SCN8A: variants seen among roughly 807,000 people sequenced by gnomAD.
SCN8A encodes sodium channel protein type 8 subunit alpha.
SCN8A carries 30 observed loss-of-function variants against 184.1 expected under a neutral mutation model. The ratio of observed to expected loss-of-function variants is 0.16; its 90% CI spans 0.12 to 0.22. SCN8A has a LOEUF of 0.22. Ranked by LOEUF, SCN8A falls within the 10% of genes least tolerant of loss-of-function variation. The probability of loss-of-function intolerance (pLI) is 1.00; values close to 1 mark genes in which losing one functional copy is unlikely to be tolerated. For synonymous variants in SCN8A, 852 were observed against 907.0 expected (o/e 0.94, Z 1.09); for missense variants, 1,057 against 2,498.9 (o/e 0.42, Z 12.30).
chr12:51,704,235 T>C (rs540207855), intron 9 of SCN8A, among the ~76,000 whole-genome samples: 27 of 152,210 alleles, frequency 1.8e-4, no homozygotes, highest in African/African-American at 6.0e-4. Context: ...AACTGTGTAA[T>C]AGTGGGTTGC....
intron 1 of SCN8A, among the ~76,000 whole-genome samples, chr12:51,610,410 G>C (rs956809786): frequency 6.6e-6 from 1 of 152,062 alleles, no homozygotes; most frequent in East Asian, 1.9e-4. Context: ...TGCATTCATC[G>C]TGCATTTGTT....
intron 1 of SCN8A, among the ~76,000 whole-genome samples, chr12:51,629,677 T>C (rs1592339692): frequency 1.3e-5 from 2 of 152,032 alleles, no homozygotes; most frequent in African/African-American, 4.8e-5. Flanking sequence ...AGGGAGACTT[T>C]ATGGGGATGG....
chr12:51,674,710 G>A (rs1941192874), intron 2 of SCN8A, among the ~76,000 whole-genome samples: 1 of 152,210 alleles, frequency 6.6e-6, no homozygotes, highest in Admixed American at 6.5e-5. Flanking sequence ...CTGTGTGATA[G>A]CAGTGGCAGC....
rs1938101173 is a variant in SCN8A at position 51,786,834 on chromosome 12, GTGTTTT to G, written c.4227+22_4227+27del. The G allele has an allele frequency of 6.2e-7, 1 of 1,607,056 alleles. No individual in the cohort carries two copies. Among genetic ancestry groups the G allele is most frequent in the Admixed American group, 1.7e-5 (1 of 58,326 alleles). ...CTGGCCCTTCTTCAAGTAGTAAGTA[GTGTTTT>G]TGTTTTTGTTTTTTCAGTTCTGTGA... On this transcript the variant is annotated intron_variant, in intron 22 of 26. Transcript: ENST00000627620.
intron 6 of SCN8A, among the ~76,000 whole-genome samples, chr12:51,698,658 CTTACA>C (rs1312922018): frequency 6.6e-6 from 1 of 152,148 alleles, no homozygotes; most frequent in Non-Finnish European, 1.5e-5. Flanking sequence ...GAGCCAGTGT[CTTACA>C]TTTAAACTTT....
chr12:51,762,342 G>A (rs1040032819), intron 14 of SCN8A, among the ~76,000 whole-genome samples, 161 bp from the exon 15 acceptor site: 2 of 152,178 alleles, frequency 1.3e-5, no homozygotes, highest in East Asian at 3.8e-4. Flanking sequence ...CCTGCATCAG[G>A]TGGGGTGCTC....
chr12:51,614,548 A>G (rs572950998), intron 1 of SCN8A, among the ~76,000 whole-genome samples: 2 of 152,114 alleles, frequency 1.3e-5, no homozygotes, highest in Admixed American at 6.5e-5. Context: ...AGCTTCCCCT[A>G]ATGTTAGCAT....
At chr12:51,679,759 T>C (rs1941296390) in intron 2 of SCN8A, among the ~76,000 whole-genome samples, 1 of 136,340 alleles carries the variant, frequency 7.3e-6, no homozygotes, top group African/African-American at 2.9e-5. Flanking sequence ...GGAGTCTCGC[T>C]CTGTTGCCCA....
chr12:51,700,020 G>A (rs1387100552), intron 7 of SCN8A, among the ~76,000 whole-genome samples: 2 of 152,050 alleles, frequency 1.3e-5, no homozygotes, highest in Non-Finnish European at 2.9e-5. Flanking sequence ...TACAAAATTA[G>A]CCAGGCGTGG....
intron 5 of SCN8A, chr12:51,688,755 C>G: frequency 6.2e-7 from 1 of 1,610,138 alleles, no homozygotes; most frequent in Non-Finnish European, 8.5e-7. Flanking sequence ...TTTGATTCTG[C>G]AGGTATATAA....
At chr12:51,665,070 A>G (rs1221907358) in intron 2 of SCN8A, among the ~76,000 whole-genome samples, 1 of 152,172 alleles carries the variant, frequency 6.6e-6, no homozygotes, top group Non-Finnish European at 1.5e-5. Context: ...TCTCATTTCT[A>G]ATTTCTCATT....
At chr12:51,696,741 A>G (rs1300828577) in intron 6 of SCN8A, among the ~76,000 whole-genome samples, 1 of 152,060 alleles carries the variant, frequency 6.6e-6, no homozygotes, top group Non-Finnish European at 1.5e-5. Flanking sequence ...TTGAAACACA[A>G]TAGGTCAGGC....
At chr12:51,753,579 G>A (rs1212723921) in intron 14 of SCN8A, among the ~76,000 whole-genome samples, 1 of 152,168 alleles carries the variant, frequency 6.6e-6, no homozygotes, top group African/African-American at 2.4e-5. Flanking sequence ...ATCAACACGA[G>A]CGCTGAGATT....
intron 14 of SCN8A, among the ~76,000 whole-genome samples, chr12:51,761,067 A>T (rs532442902): frequency 2.4e-4 from 37 of 152,344 alleles, no homozygotes; most frequent in Admixed American, 2.2e-3. Context: ...TGACAGTTTT[A>T]AATCTATTGT....
chr12:51,705,970 A>G (rs1941776694), intron 10 of SCN8A, among the ~76,000 whole-genome samples: 1 of 152,222 alleles, frequency 6.6e-6, no homozygotes, highest in African/African-American at 2.4e-5. Flanking sequence ...TGGTCATAAA[A>G]AGTATTATTT....
intron 1 of SCN8A, among the ~76,000 whole-genome samples, chr12:51,619,641 A>C (rs1939918799): frequency 6.6e-6 from 1 of 152,242 alleles, no homozygotes; most frequent in African/African-American, 2.4e-5. Flanking sequence ...CAAGTCTTTT[A>C]CCAAAATTAT....
chr12:51,776,268 G>A (rs375977154), intron 20 of SCN8A, among the ~76,000 whole-genome samples: 1 of 152,188 alleles, frequency 6.6e-6, no homozygotes, highest in Non-Finnish European at 1.5e-5. Context: ...TGCCAAGCCA[G>A]CATTTATTTC....
intron 2 of SCN8A, among the ~76,000 whole-genome samples, chr12:51,682,430 T>G (rs1350788481): frequency 6.6e-6 from 1 of 152,348 alleles, no homozygotes; most frequent in East Asian, 1.9e-4. Context: ...CGTCTGGTCC[T>G]GGGCTCTTCT....
chr12:51,673,646 A>G (rs981028757), intron 2 of SCN8A, among the ~76,000 whole-genome samples: 3 of 152,252 alleles, frequency 2.0e-5, no homozygotes, highest in Admixed American at 6.5e-5. Context: ...CATACATTCA[A>G]CAAACATGTA....
Sources: gnomAD v4.1 joint callset for allele counts (sites outside exome capture counted in the v4.1 genomes callset) on GRCh38, gnomAD v4.1.1 for gene constraint, MANE v1.5 for transcripts, NCBI Gene and HGNC (gene_info 2026-07-23, HGNC 2026-07-21) for gene names.